The following TBC1D5 variants were observed in gnomAD, a reference collection of about 807,000 sequenced individuals.
The protein encoded by TBC1D5 is TBC1 domain family member 5.
A neutral mutation model predicts 100.3 loss-of-function variants in TBC1D5; 75 were observed. That is an observed-to-expected ratio of 0.75 (90% CI 0.62 to 0.91). The LOEUF is 0.91. TBC1D5 is among the 40% of genes least tolerant of loss of function. TBC1D5 has a pLI of 0.00. For synonymous variants in TBC1D5, 323 were observed against 325.6 expected (o/e 0.99, Z 0.09); for missense variants, 910 against 942.4 (o/e 0.97, Z 0.45).
intron 8 of TBC1D5, among the ~76,000 whole-genome samples, chr3:17,393,118 G>GTTT (rs34958195): frequency 6.7e-6 from 1 of 149,148 alleles, no homozygotes; most frequent in African/African-American, 2.5e-5. Context: ...TGATGATGAG[G>GTTT]TTTTTTTTTT....
At chr3:17,358,465 C>A (rs755982281) in intron 13 of TBC1D5, among the ~76,000 whole-genome samples, 1 of 152,102 alleles carries the variant, frequency 6.6e-6, no homozygotes, top group Non-Finnish European at 1.5e-5. Context: ...GGATTACAGG[C>A]GTGAGCCATT....
intron 2 of TBC1D5, among the ~76,000 whole-genome samples, chr3:17,539,045 T>C (rs2096317676): frequency 6.6e-6 from 1 of 152,094 alleles, no homozygotes; most frequent in African/African-American, 2.4e-5. Context: ...TAGCCAGGCA[T>C]GATGGTGCAT....
rs907292852 is a variant in TBC1D5 at position 17,388,136 on chromosome 3, G to A, written c.510-4121C>T. On this transcript the variant is annotated intron_variant, in intron 8 of 21. Transcript: ENST00000253692. ...CTTAAATCCTTACTTTAGGGTAAAA[G>A]TCATATTTCAGTTTAGACTCAACTG... Among the ~76,000 whole-genome samples the A allele has an allele frequency of 5.9e-5, 9 of 152,134 alleles. 1 individual carries two copies. The South Asian group carries it at 1.9e-3, about 32-fold the overall frequency.
At chr3:17,529,503 G>A (rs191999837) in intron 2 of TBC1D5, among the ~76,000 whole-genome samples, 1 of 151,860 alleles carries the variant, frequency 6.6e-6, no homozygotes, top group African/African-American at 2.4e-5. Flanking sequence ...AGAAAGGGTG[G>A]GGGGAAGAGG....
chr3:17,539,855 C>T (rs1198817593), intron 2 of TBC1D5, among the ~76,000 whole-genome samples: 2 of 152,136 alleles, frequency 1.3e-5, no homozygotes, highest in Non-Finnish European at 2.9e-5. Context: ...TGGGGATACA[C>T]CCAGAAGTGG....
intron 1 of TBC1D5, among the ~76,000 whole-genome samples, chr3:17,705,696 T>G (rs1331271191): frequency 1.6e-4 from 19 of 121,014 alleles, no homozygotes; most frequent in African/African-American, 6.1e-4. Context: ...TGATGGCGGC[T>G]GGGAAGAGGC....
chr3:17,349,780 C>T (rs963078190), intron 13 of TBC1D5, among the ~76,000 whole-genome samples: 3 of 152,074 alleles, frequency 2.0e-5, no homozygotes, highest in Admixed American at 2.0e-4. Context: ...GAGTTAATCG[C>T]ACCAAGAGAA....
intron 15 of TBC1D5, among the ~76,000 whole-genome samples, chr3:17,287,857 C>T (rs1056157458): frequency 6.6e-6 from 1 of 152,240 alleles, no homozygotes; most frequent in East Asian, 1.9e-4. Flanking sequence ...TTACAATGAA[C>T]CTACTAAGGC....
intron 4 of TBC1D5, among the ~76,000 whole-genome samples, chr3:17,412,164 G>T (rs555689943): frequency 1.3e-5 from 2 of 151,986 alleles, no homozygotes; most frequent in African/African-American, 4.8e-5. Flanking sequence ...AGAGGGGAAA[G>T]AAATGGTTTG....
At chr3:17,275,711 G>GC (rs2079920564) in intron 15 of TBC1D5, among the ~76,000 whole-genome samples, 2 of 152,336 alleles carry the variant, frequency 1.3e-5, no homozygotes, top group Admixed American at 1.3e-4. Flanking sequence ...AAAGGGGTCT[G>GC]CCAAGGAGGC....
At chr3:17,473,878 T>C (rs1028066662) in intron 3 of TBC1D5, among the ~76,000 whole-genome samples, 1 of 150,818 alleles carries the variant, frequency 6.6e-6, no homozygotes, top group Non-Finnish European at 1.5e-5. Context: ...TCCTCATTAG[T>C]TTTTACTTTA....
intron 2 of TBC1D5, among the ~76,000 whole-genome samples, chr3:17,560,098 A>T (rs986741549): frequency 6.6e-6 from 1 of 152,210 alleles, no homozygotes; most frequent in Non-Finnish European, 1.5e-5. Context: ...AATGGCACCT[A>T]TAGTCCTATC....
chr3:17,263,884 T>C (rs773515083), intron 15 of TBC1D5, among the ~76,000 whole-genome samples: 10 of 152,188 alleles, frequency 6.6e-5, no homozygotes, highest in Non-Finnish European at 1.5e-4. Context: ...GCAATCAAAA[T>C]AGATAAAAAC....
intron 2 of TBC1D5, among the ~76,000 whole-genome samples, chr3:17,558,916 G>A (rs2153467919): frequency 6.6e-6 from 1 of 152,126 alleles, no homozygotes; most frequent in Admixed American, 6.5e-5. Context: ...TGGATGCCAG[G>A]CCAGATTTGC....
rs890622331 is a variant in TBC1D5, at chr3:17,585,365, A to C, written c.-36+38484T>G. ...TGCACATACAATTTAGACAGACAAA[A>C]CAAACAAGAAGAGAATAAAGAAATA... On this transcript the variant is annotated intron_variant, in intron 2 of 21. Transcript: ENST00000253692. Among the ~76,000 whole-genome samples the C allele has an allele frequency of 2.0e-5, 3 of 152,208 alleles. No individual in the cohort carries two copies. In the South Asian group the frequency reaches 6.2e-4, roughly 31 times the overall value.
intron 2 of TBC1D5, among the ~76,000 whole-genome samples, chr3:17,522,907 C>A (rs890398573): frequency 1.8e-4 from 27 of 152,070 alleles, no homozygotes; most frequent in African/African-American, 6.0e-4. Context: ...AGTAAACAAT[C>A]GAAAGTAAAT....
intron 3 of TBC1D5, among the ~76,000 whole-genome samples, chr3:17,469,644 C>A (rs2095350227): frequency 2.0e-5 from 3 of 152,218 alleles, no homozygotes; most frequent in Non-Finnish European, 2.9e-5. Flanking sequence ...CTAAACCTAT[C>A]AATCAAACCC....
At chr3:17,644,384 G>C (rs536164997) in intron 1 of TBC1D5, among the ~76,000 whole-genome samples, 2 of 152,142 alleles carry the variant, frequency 1.3e-5, no homozygotes, top group East Asian at 1.9e-4. Flanking sequence ...TATTTTAATA[G>C]GCAATCTTGA....
intron 3 of TBC1D5, among the ~76,000 whole-genome samples, chr3:17,476,206 A>C (rs1337733594): frequency 1.3e-5 from 2 of 151,726 alleles, no homozygotes; most frequent in Admixed American, 6.6e-5. Context: ...ATTTAATTCT[A>C]TATATATATT....
Sources: gnomAD v4.1 joint callset for allele counts (sites outside exome capture counted in the v4.1 genomes callset) on GRCh38, gnomAD v4.1.1 for gene constraint, MANE v1.5 for transcripts, NCBI Gene and HGNC (gene_info 2026-07-23, HGNC 2026-07-21) for gene names.